The following ZNF730 variants were observed in gnomAD, a reference collection of about 807,000 sequenced individuals.
The protein encoded by ZNF730 is zinc finger protein 730.
Under a neutral mutation model 12.6 loss-of-function variants are expected in ZNF730, and 12 were observed. The ratio of observed to expected loss-of-function variants is 0.95; its 90% CI spans 0.61 to 1.54. The LOEUF (loss-of-function observed/expected upper bound fraction) is 1.54, where lower values mean the gene tolerates loss of function less well. Among genes scored for constraint, ZNF730 ranks in the 40% most tolerant of loss-of-function variants. ZNF730 has a pLI of 0.00. For missense variants in ZNF730, 643 were observed against 583.5 expected, an observed-to-expected ratio of 1.10 and a Z score of -1.05; for synonymous variants, 194 against 195.8, an observed-to-expected ratio of 0.99 and a Z score of 0.08.
At chr19:23,115,780 G>A (rs185985596), upstream of ZNF730, among the ~76,000 whole-genome samples, 1 of 152,280 alleles carries the variant, frequency 6.6e-6, no homozygotes, top group African/African-American at 2.4e-5. Flanking sequence ...GCTGGGACCA[G>A]AAGAATGGCC....
chr19:23,103,507 A>G (rs899275592), intron 1 of ZNF730, among the ~76,000 whole-genome samples: 2 of 152,204 alleles, frequency 1.3e-5, no homozygotes, highest in Admixed American at 6.5e-5. Context: ...TCTATTTTAT[A>G]ACATCAAGTG....
At position 23,143,820 on chromosome 19, in the gene ZNF730, G is replaced by A. The variant is rs961245816; in HGVS notation, c.227-1451G>A. On this transcript the variant is annotated intron_variant, in intron 3 of 3. Coordinates refer to ENST00000597761, the MANE Select transcript of ZNF730 (RefSeq NM_001277403.2). ...CTGGTTATATCGTAAGACTATGTTTGTATATGACACATCACTTTTATCTTG... is the reference window on the plus strand; with the variant it reads ...CTGGTTATATCGTAAGACTATGTTTATATATGACACATCACTTTTATCTTG... 2.6e-5 allele frequency: 4 copies of A among 152,084 alleles called. No individual in the cohort carries two copies. The East Asian group carries it at 7.7e-4, about 29-fold the overall frequency. The allele number at this position is 152,084 out of a possible 1,614,324, so 9.4% of individuals were successfully genotyped here.
chr19:23,102,487 T>A (rs1022905810), intron 1 of ZNF730, among the ~76,000 whole-genome samples: 3 of 151,842 alleles, frequency 2.0e-5, no homozygotes, highest in African/African-American at 7.3e-5. Flanking sequence ...CTTTTTTTTT[T>A]TTTATTTTAT....
In ZNF730 at chr19:23,146,768, T is replaced by TA; in HGVS notation, c.*213dup. 1 of 1,064,474 alleles carries TA rather than the reference T, an allele frequency of 9.4e-7. No homozygotes were observed. Among genetic ancestry groups the TA allele is most frequent in the Non-Finnish European group, 1.5e-6 (1 of 681,732 alleles). 65.9% of individuals were successfully genotyped at this position (1,064,474 alleles called of 1,614,324 possible). On this transcript the variant is annotated 3_prime_UTR_variant, in exon 4 of 4. Coordinates refer to ENST00000597761, the MANE Select transcript of ZNF730 (RefSeq NM_001277403.2). ...AAGTCTTCAACCAATCTTCACACCTTACTACACATAAGATAATTCATACTG... is the reference window on the plus strand; with the variant it reads ...AAGTCTTCAACCAATCTTCACACCTTAACTACACATAAGATAATTCATACTG...
At chr19:23,121,243 T>G (rs911369186) in intron 1 of ZNF730, among the ~76,000 whole-genome samples, 1 of 152,208 alleles carries the variant, frequency 6.6e-6, no homozygotes, top group Non-Finnish European at 1.5e-5. Context: ...TTCTGATATC[T>G]TTGTTAATTT....
chr19:23,143,184 G>A (rs1970951807), intron 3 of ZNF730, among the ~76,000 whole-genome samples: 1 of 152,104 alleles, frequency 6.6e-6, no homozygotes, highest in African/African-American at 2.4e-5. Context: ...GGCGGAGCTT[G>A]CAGTGAGCCG....
chr19:23,141,659 GTTT>G (rs902306249), intron 3 of ZNF730, among the ~76,000 whole-genome samples: 1 of 151,894 alleles, frequency 6.6e-6, no homozygotes, highest in Non-Finnish European at 1.5e-5. Flanking sequence ...AATTTTTTTA[GTTT>G]TTTTCTCATT....
intron 3 of ZNF730, among the ~76,000 whole-genome samples, chr19:23,139,842 G>A (rs1327835960): frequency 6.6e-6 from 1 of 151,964 alleles, no homozygotes; most frequent in Non-Finnish European, 1.5e-5. Flanking sequence ...TCTTTTTAAT[G>A]CTACATCAAC....
intron 3 of ZNF730, among the ~76,000 whole-genome samples, chr19:23,137,384 ATAGT>A (rs1970850146): frequency 6.6e-6 from 1 of 152,048 alleles, no homozygotes. Context: ...ATTTTATCAG[ATAGT>A]TTAAGTGTAT....
At chr19:23,085,836 CTTTTT>C (rs556123915) in intron 1 of ZNF730, among the ~76,000 whole-genome samples, 77 of 54,850 alleles carry the variant, frequency 1.4e-3, no homozygotes, top group African/African-American at 5.3e-3. Context: ...ATTTTTTTTT[CTTTTT>C]TTTTTTTTTT....
intron 1 of ZNF730, among the ~76,000 whole-genome samples, chr19:23,088,443 A>AG (rs557075134): frequency 0.011 from 1,677 of 151,964 alleles, 16 homozygotes; most frequent in Non-Finnish European, 0.019. Flanking sequence ...GTTTATTGAG[A>AG]GGGGTTTTTT....
chr19:23,103,434 T>G lies in ZNF730; in HGVS notation c.-94+28047T>G, dbSNP rs150947957. Among the ~76,000 whole-genome samples, 463 of 152,326 alleles carry G rather than the reference T, an allele frequency of 3.0e-3. 2 individuals are homozygous for G. Among genetic ancestry groups the G allele is most frequent in the African/African-American group, 0.011 (447 of 41,578 alleles). ...AACTTTGTTAACGGTTATAACAGAT[T>G]GTTGCTTCTTTAAAATTTTGGAGTC... On this transcript the variant is annotated intron_variant, in intron 1 of 2. Coordinates refer to the ZNF730 transcript ENST00000593635.
chr19:23,118,375 T>TTTG (rs1555714719), intron 1 of ZNF730, among the ~76,000 whole-genome samples: 2 of 151,530 alleles, frequency 1.3e-5, no homozygotes, highest in Non-Finnish European at 2.9e-5. Flanking sequence ...TGTTTTTTTT[T>TTTG]TTTGTTTTTT....
intron 1 of ZNF730, among the ~76,000 whole-genome samples, chr19:23,124,599 C>T (rs1970639984): frequency 2.0e-5 from 3 of 152,152 alleles, no homozygotes; most frequent in Non-Finnish European, 4.4e-5. Flanking sequence ...TGAGAATATC[C>T]AGAGCAGAAT....
chr19:23,142,687 C>CA (rs55654522), intron 3 of ZNF730, among the ~76,000 whole-genome samples: 823 of 75,464 alleles, frequency 0.011, 20 homozygotes, highest in African/African-American at 0.031. Flanking sequence ...GACTCTGTCT[C>CA]AAAAAAAAAA....
chr19:23,091,454 G>C (rs1162272079), intron 1 of ZNF730, among the ~76,000 whole-genome samples: 1 of 152,182 alleles, frequency 6.6e-6, no homozygotes, highest in Non-Finnish European at 1.5e-5. Context: ...TTCACCCACA[G>C]CTTGCACTGT....
At chr19:23,083,595 GT>G (rs541018274) in intron 1 of ZNF730, among the ~76,000 whole-genome samples, 101 of 139,522 alleles carry the variant, frequency 7.2e-4, no homozygotes, top group Admixed American at 5.7e-4. Context: ...ATTAGTGCTT[GT>G]TTTTTTTTTT....
At position 23,145,926 on chromosome 19, in the gene ZNF730, C is replaced by T. The variant is rs547835523; in HGVS notation, c.882C>T (p.Asn294=). Residue 294 remains asparagine (N), a synonymous_variant, in exon 4 of 4, where the codon AAC becomes AAT. Transcript: ENST00000597761. ...YKCEECGKAF[N]QSSNLTEHKK... is the part of the protein sequence containing the mutation. ...GTGAAGAATGTGGCAAAGCCTTTAA[C>T]CAGTCCTCAAACCTTACTGAACATA... 3.7e-6 allele frequency: 6 copies of T among 1,610,420 alleles called. No individual in the cohort carries two copies. The African/African-American group carries it at 6.7e-5, about 18-fold the overall frequency.
At chr19:23,110,062 G>A (rs1397658948) in intron 1 of ZNF730, among the ~76,000 whole-genome samples, 3 of 148,248 alleles carry the variant, frequency 2.0e-5, no homozygotes, top group Non-Finnish European at 4.5e-5. Flanking sequence ...CACCTCCCAG[G>A]TTCAAGCGAT....
Sources: gnomAD v4.1 joint callset for allele counts (sites outside exome capture counted in the v4.1 genomes callset) on GRCh38, gnomAD v4.1.1 for gene constraint, MANE v1.5 for transcripts, NCBI Gene and HGNC (gene_info 2026-07-23, HGNC 2026-07-21) for gene names.